SLCO1C1: variants seen among roughly 807,000 people sequenced by gnomAD.
SLCO1C1 encodes solute carrier organic anion transporter family member 1C1, also known as OAT-RP-5.
In SLCO1C1, 70 loss-of-function variants were observed where a neutral mutation model predicts 76.4. The observed-to-expected ratio is 0.92, with a 90% CI of 0.76 to 1.12. The LOEUF (loss-of-function observed/expected upper bound fraction) is 1.12, where lower values mean the gene tolerates loss of function less well. SLCO1C1 is among the 50% of genes most tolerant of loss of function. The pLI is 0.00. For missense variants in SLCO1C1, 912 were observed against 823.8 expected (o/e 1.11, Z -1.31); for synonymous variants, 306 against 286.1 (o/e 1.07, Z -0.70).
Position 20,722,066 on chromosome 12 carries a change from AT to A in SLCO1C1, c.1021+21del. Reference sequence around the variant, plus strand: ...TGGCAAGAGGTAAGTCAAATTCTTGATTTTGAAGTATTTTCATTTTTCTGTT... The same window carrying A: ...TGGCAAGAGGTAAGTCAAATTCTTGATTTGAAGTATTTTCATTTTTCTGTT... On this transcript the variant is annotated intron_variant, in intron 8 of 14. Coordinates refer to ENST00000266509, the MANE Select transcript of SLCO1C1 (RefSeq NM_017435.5). The A allele has an allele frequency of 6.2e-7, 1 of 1,603,984 alleles. No homozygotes were observed. The highest frequency in any genetic ancestry group is 1.1e-5 in the South Asian group (1 of 90,096).
intron 7 of SLCO1C1, among the ~76,000 whole-genome samples, chr12:20,718,807 A>G (rs1947508957): frequency 6.6e-6 from 1 of 152,184 alleles, no homozygotes; most frequent in Non-Finnish European, 1.5e-5. Flanking sequence ...ACAGTTTGAA[A>G]ATCATGAAGC....
rs1949383588 is a variant in SLCO1C1, at chr12:20,753,077, T to C, written c.*549T>C. The C allele has an allele frequency of 6.6e-6, 1 of 152,194 alleles. No individual in the cohort carries two copies. Among genetic ancestry groups the C allele is most frequent in the South Asian group, 2.1e-4 (1 of 4,832 alleles). 9.4% of individuals were successfully genotyped at this position (152,194 alleles called of 1,614,324 possible). On this transcript the variant is annotated 3_prime_UTR_variant, in exon 15 of 15. Coordinates refer to ENST00000266509, the MANE Select transcript of SLCO1C1 (RefSeq NM_017435.5). ...TTTCTTTGAAATACAATAATTTATA[T>C]AGAAATGTGTAGCAGCAAATTATAT...
intron 3 of SLCO1C1, among the ~76,000 whole-genome samples, chr12:20,702,721 A>G (rs55661764): frequency 0.11 from 16,501 of 151,830 alleles, 2,178 homozygotes; most frequent in African/African-American, 0.31. Context: ...GAATCAAGGT[A>G]AAGGGTGATA....
chr12:20,748,685 G>GTTCT (rs1435819133), intron 13 of SLCO1C1, among the ~76,000 whole-genome samples: 1 of 151,270 alleles, frequency 6.6e-6, no homozygotes, highest in Non-Finnish European at 1.5e-5. Flanking sequence ...TTATTTTTTT[G>GTTCT]TTCTTTTGTG....
intron 13 of SLCO1C1, among the ~76,000 whole-genome samples, chr12:20,747,303 T>C (rs985962833): frequency 3.9e-5 from 6 of 152,012 alleles, no homozygotes; most frequent in African/African-American, 1.4e-4. Flanking sequence ...TGGTGCATGC[T>C]TGTGGTCCCA....
In SLCO1C1 at chr12:20,740,060, A is replaced by T. The variant is rs1167160237; in HGVS notation, c.1549-124A>T. On this transcript the variant is annotated intron_variant, in intron 11 of 14. Coordinates refer to ENST00000266509, the MANE Select transcript of SLCO1C1 (RefSeq NM_017435.5). ...TGCTCAATATACTGTAATACAAAAA[A>T]ATAAAAGAATATTTCCTCATTGTTT... The T allele has an allele frequency of 4.0e-6, 4 of 989,478 alleles. No individual in the cohort carries two copies. In the Admixed American group the frequency reaches 1.1e-4, roughly 28 times the overall value. 61.3% of individuals were successfully genotyped at this position (989,478 alleles called of 1,614,324 possible).
At position 20,733,054 on chromosome 12, in the gene SLCO1C1, A is replaced by G. The variant is rs1472748845; in HGVS notation, c.1332A>G (p.Ala444=). 2 of 1,610,278 alleles carry G rather than the reference A, an allele frequency of 1.2e-6. No homozygotes were observed. Among genetic ancestry groups the G allele is most frequent in the Admixed American group, 3.4e-5 (2 of 59,486 alleles). ...ACCTCCTATTTCTTTCCCTGTTTGCACTGGGCTGTGAAAATTCTGATGTGG... is the reference window on the plus strand; with the variant it reads ...ACCTCCTATTTCTTTCCCTGTTTGCGCTGGGCTGTGAAAATTCTGATGTGG... ...FGYLLFLSLF[A]LGCENSDVAG... Residue 444 remains alanine, a synonymous_variant, in exon 10 of 15, where the codon GCA becomes GCG. Coordinates refer to ENST00000266509, the MANE Select transcript of SLCO1C1 (RefSeq NM_017435.5).
chr12:20,701,690 C>A (rs1946534311), intron 3 of SLCO1C1, among the ~76,000 whole-genome samples: 1 of 151,006 alleles, frequency 6.6e-6, no homozygotes, highest in South Asian at 2.1e-4. Context: ...ATGGTTCACA[C>A]AATTCAGAGT....
At chr12:20,741,500 G>C (rs12368841) in intron 12 of SLCO1C1, among the ~76,000 whole-genome samples, 64,665 of 151,876 alleles carry the variant, frequency 0.43, 16,873 homozygotes, top group East Asian at 0.6. Flanking sequence ...CTAAAAAATA[G>C]TGATTTGATA....
intron 4 of SLCO1C1, 139 bp from the exon 5 acceptor site, chr12:20,711,247 A>T (rs557817032): frequency 2.1e-6 from 2 of 941,510 alleles, no homozygotes; most frequent in African/African-American, 1.7e-5. Context: ...GCTGTTAAAC[A>T]CTGGCTTGAT....
At chr12:20,713,161 G>T (rs1465388021) in intron 5 of SLCO1C1, among the ~76,000 whole-genome samples, 2 of 149,030 alleles carry the variant, frequency 1.3e-5, no homozygotes, top group Non-Finnish European at 3.0e-5. Context: ...CTCACTGCAA[G>T]CTCCGCCTCC....
At chr12:20,730,127 C>T (rs1288138920) in intron 9 of SLCO1C1, among the ~76,000 whole-genome samples, 1 of 151,996 alleles carries the variant, frequency 6.6e-6, no homozygotes, top group Middle Eastern at 3.2e-3. Flanking sequence ...AAATAAAATG[C>T]TAGAAACATG....
chr12:20,719,709 G>T (rs191950242), intron 7 of SLCO1C1, among the ~76,000 whole-genome samples: 1 of 152,332 alleles, frequency 6.6e-6, no homozygotes, highest in East Asian at 1.9e-4. Context: ...AAGAGATGAG[G>T]AAGCTGCAGA....
At chr12:20,702,790 G>C (rs1348029513) in intron 3 of SLCO1C1, among the ~76,000 whole-genome samples, 2 of 151,782 alleles carry the variant, frequency 1.3e-5, no homozygotes, top group Non-Finnish European at 2.9e-5. Flanking sequence ...TAAAAGAATA[G>C]AGCAGATATG....
intron 14 of SLCO1C1, among the ~76,000 whole-genome samples, chr12:20,751,661 G>A (rs1949313763): frequency 6.6e-6 from 1 of 152,128 alleles, no homozygotes; most frequent in African/African-American, 2.4e-5. Context: ...TGTATTAACT[G>A]TAATGTAGAG....
chr12:20,733,161 T>C (rs1948375280), intron 10 of SLCO1C1, 57 bp downstream of exon 10: 1 of 1,429,732 alleles, frequency 7.0e-7, no homozygotes, highest in Non-Finnish European at 9.3e-7. Flanking sequence ...AAATCAATTA[T>C]TGGTGGAGTT....
At chr12:20,746,818 T>A (rs1454013076) in intron 13 of SLCO1C1, among the ~76,000 whole-genome samples, 2 of 116,618 alleles carry the variant, frequency 1.7e-5, no homozygotes, top group African/African-American at 5.0e-5. Flanking sequence ...ATTGTCTTTT[T>A]TTTTTCAAAA....
chr12:20,742,700 AT>A (rs5796883), intron 12 of SLCO1C1, among the ~76,000 whole-genome samples: 25,598 of 140,176 alleles, frequency 0.18, 3,177 homozygotes, highest in African/African-American at 0.36. Flanking sequence ...TGCCCAGCTA[AT>A]TTTTTTTTTT....
intron 7 of SLCO1C1, among the ~76,000 whole-genome samples, chr12:20,720,912 G>A (rs540303761): frequency 4.4e-4 from 66 of 148,902 alleles, no homozygotes; most frequent in South Asian, 4.2e-4. Flanking sequence ...CAGGAGAATC[G>A]CTTGAACCCG....
Sources: gnomAD v4.1 joint callset for allele counts (sites outside exome capture counted in the v4.1 genomes callset) on GRCh38, gnomAD v4.1.1 for gene constraint, MANE v1.5 for transcripts, NCBI Gene and HGNC (gene_info 2026-07-23, HGNC 2026-07-21) for gene names.